LRRTM4: variants seen among roughly 807,000 people sequenced by gnomAD.
LRRTM4 encodes the protein leucine rich repeat transmembrane neuronal 4.
A neutral mutation model predicts 47.6 loss-of-function variants in LRRTM4; 25 were observed. The ratio of observed to expected loss-of-function variants is 0.53; its 90% confidence interval spans 0.38 to 0.73. The LOEUF is 0.73. LRRTM4 is among the 30% of genes least tolerant of loss of function. The pLI is 0.00. For synonymous variants in LRRTM4, 311 were observed against 269.5 expected (o/e 1.15, Z -1.51); for missense variants, 638 against 713.4 (o/e 0.89, Z 1.20).
chr2:77,307,894 T>C, intron 3 of LRRTM4, among the ~76,000 whole-genome samples: 1 of 56,206 alleles, frequency 1.8e-5, no homozygotes, highest in South Asian at 7.2e-4. Flanking sequence ...TAGATATATC[T>C]ATATATTATA....
chr2:77,497,878 A>G (rs917022398), intron 3 of LRRTM4, among the ~76,000 whole-genome samples: 1 of 151,770 alleles, frequency 6.6e-6, no homozygotes, highest in African/African-American at 2.4e-5. Flanking sequence ...CCATGTGTTA[A>G]GAGCACTCAC....
chr2:76,917,742 T>A (rs575413939), intron 3 of LRRTM4, among the ~76,000 whole-genome samples: 1 of 152,274 alleles, frequency 6.6e-6, no homozygotes, highest in South Asian at 2.1e-4. Context: ...AGGACAGTCA[T>A]GCCCCTAACT....
At chr2:77,096,227 T>C (rs1163786077) in intron 3 of LRRTM4, among the ~76,000 whole-genome samples, 1 of 151,760 alleles carries the variant, frequency 6.6e-6, no homozygotes, top group Non-Finnish European at 1.5e-5. Context: ...AATCAGAAGA[T>C]TTCTCAAAGC....
intron 3 of LRRTM4, among the ~76,000 whole-genome samples, chr2:77,226,884 T>C (rs962803886): frequency 2.6e-5 from 4 of 151,968 alleles, no homozygotes; most frequent in African/African-American, 4.8e-5. Flanking sequence ...ACAGAGTGCA[T>C]ACAGTGTACC....
intron 3 of LRRTM4, among the ~76,000 whole-genome samples, chr2:77,082,857 A>G (rs1336752189): frequency 6.6e-6 from 1 of 152,130 alleles, no homozygotes; most frequent in Non-Finnish European, 1.5e-5. Flanking sequence ...ATACATAATA[A>G]AAGTAATATT....
intron 3 of LRRTM4, among the ~76,000 whole-genome samples, chr2:76,903,794 TTAC>T (rs748685260): frequency 2.6e-5 from 4 of 152,150 alleles, no homozygotes; most frequent in Non-Finnish European, 5.9e-5. Context: ...ATAGATCCAG[TTAC>T]TAATAAGCTG....
chr2:76,835,795 T>A (rs1413581127), intron 3 of LRRTM4, among the ~76,000 whole-genome samples: 1 of 152,070 alleles, frequency 6.6e-6, no homozygotes, highest in African/African-American at 2.4e-5. Context: ...AAACTATGTA[T>A]AAACTAACAT....
intron 3 of LRRTM4, among the ~76,000 whole-genome samples, chr2:76,892,806 C>A (rs1242279633): frequency 6.6e-6 from 1 of 151,600 alleles, no homozygotes; most frequent in Non-Finnish European, 1.5e-5. Flanking sequence ...TTCCCAAACA[C>A]ATTTATTTCC....
rs115939571 is a variant in LRRTM4, at chr2:76,995,948, G to A, written c.1552-247032C>T. Among the ~76,000 whole-genome samples the A allele has an allele frequency of 2.3e-3, 349 of 152,124 alleles. 1 individual carries two copies. The highest frequency in any genetic ancestry group is 0.01 in the Middle Eastern group (3 of 294). ...AAGAATACTATTTAAAAAACTCAGG[G>A]AGAAATAATTAACTTACGAAGGTAT... On this transcript the variant is annotated intron_variant, in intron 3 of 3. Transcript: ENST00000409884.
intron 3 of LRRTM4, among the ~76,000 whole-genome samples, chr2:77,093,324 G>A (rs28874595): frequency 0.4 from 57,331 of 144,054 alleles, 13,882 homozygotes; most frequent in East Asian, 0.66. Flanking sequence ...CTAATCAGAT[G>A]TCCTGAGTCG....
intron 3 of LRRTM4, among the ~76,000 whole-genome samples, chr2:76,950,215 C>T (rs899046353): frequency 6.6e-5 from 10 of 151,934 alleles, no homozygotes; most frequent in African/African-American, 2.2e-4. Context: ...GAGCAACCAC[C>T]AGTTCTGAAA....
chr2:77,003,236 CTTT>C (rs777369090), intron 3 of LRRTM4, among the ~76,000 whole-genome samples: 61 of 151,778 alleles, frequency 4.0e-4, no homozygotes, highest in Non-Finnish European at 6.8e-4. Flanking sequence ...ATAATTTAAG[CTTT>C]TTTTATAATT....
At chr2:77,445,860 C>T (rs755002836) in intron 3 of LRRTM4, among the ~76,000 whole-genome samples, 1 of 151,828 alleles carries the variant, frequency 6.6e-6, no homozygotes, top group African/African-American at 2.4e-5. Flanking sequence ...GATGGGCTTT[C>T]GTGAGAAATA....
chr2:77,411,439 T>C (rs1674422056), intron 3 of LRRTM4, among the ~76,000 whole-genome samples: 1 of 147,532 alleles, frequency 6.8e-6, no homozygotes, highest in Non-Finnish European at 1.5e-5. Flanking sequence ...TCTCTCTCTC[T>C]CTCTCTTTCT....
At position 77,341,330 on chromosome 2, in the gene LRRTM4, CTTTG is replaced by C. The variant is rs541653583; in HGVS notation, c.1551+176984_1551+176987del. 1.4e-3 allele frequency among the ~76,000 whole-genome samples: 210 copies of C among 152,002 alleles called. 1 individual carries two copies. Among genetic ancestry groups the C allele is most frequent in the Non-Finnish European group, 2.5e-3 (167 of 67,874 alleles). ...ATCATGTTCTCTCTTGCTTTTGAGT[CTTTG>C]TTTATGTTTTGGCTTTGTCTGGTAT... On this transcript the variant is annotated intron_variant, in intron 3 of 3. Coordinates refer to ENST00000409884, the MANE Select transcript of LRRTM4 (RefSeq NM_001134745.3).
chr2:77,298,837 T>A (rs1251928759), intron 3 of LRRTM4, among the ~76,000 whole-genome samples: 1 of 152,218 alleles, frequency 6.6e-6, no homozygotes, highest in African/African-American at 2.4e-5. Context: ...TCTGCATTTA[T>A]TCTCCAATAC....
chr2:77,079,630 C>T (rs1032843983), intron 3 of LRRTM4, among the ~76,000 whole-genome samples: 1 of 152,132 alleles, frequency 6.6e-6, no homozygotes, highest in Non-Finnish European at 1.5e-5. Context: ...ATTGGATACC[C>T]CTGCTGAATG....
chr2:77,299,744 T>C (rs1017826576), intron 3 of LRRTM4, among the ~76,000 whole-genome samples: 6 of 151,952 alleles, frequency 3.9e-5, no homozygotes, highest in Admixed American at 6.6e-5. Context: ...CATAAGTTAT[T>C]GAAAAGAAAC....
At chr2:77,052,862 T>C (rs545589098) in intron 3 of LRRTM4, among the ~76,000 whole-genome samples, 149 of 152,230 alleles carry the variant, frequency 9.8e-4, no homozygotes, top group African/African-American at 2.8e-3. Context: ...CTCAGCCTAA[T>C]TGATTTTCTT....
Sources: allele counts gnomAD v4.1 joint callset (sites outside exome capture counted in the v4.1 genomes callset), GRCh38; gene constraint gnomAD v4.1.1; transcripts MANE v1.5; gene names NCBI Gene and HGNC (gene_info 2026-07-23, HGNC 2026-07-21).